Variants in ETFA observed in about 807,000 individuals in gnomAD.
ETFA encodes the protein electron transfer flavoprotein subunit alpha.
In ETFA, 22 loss-of-function variants were observed where a neutral mutation model predicts 46.2. That is an observed-to-expected ratio of 0.48 (90% CI 0.34 to 0.68). ETFA has a LOEUF of 0.68. ETFA is among the 30% of genes least tolerant of loss of function. The pLI, the probability that ETFA is intolerant of heterozygous loss-of-function variation, is 0.01. For missense variants in ETFA, 345 were observed against 401.1 expected (o/e 0.86, Z 1.19); for synonymous variants, 131 against 139.9 (o/e 0.94, Z 0.45).
At chr15:76,217,177 C>T (rs529623552) in intron 11 of ETFA, among the ~76,000 whole-genome samples, 1 of 152,250 alleles carries the variant, frequency 6.6e-6, no homozygotes, top group South Asian at 2.1e-4. Flanking sequence ...AAACAGGAAG[C>T]CCAATTTTTC....
rs139282437 is a variant in ETFA, at chr15:76,267,763, G to A, written c.816+6649C>T. ...TTTATAAAAAGATCAACCCACGACT[G>A]CAGCTGAACAACTGACAGGACAAAA... On this transcript the variant is annotated intron_variant, in intron 9 of 11. Transcript: ENST00000557943. Among the ~76,000 whole-genome samples the A allele has an allele frequency of 4.9e-4, 74 of 152,336 alleles. No homozygotes were observed. In the East Asian group the frequency reaches 0.013, roughly 28 times the overall value.
intron 9 of ETFA, chr15:76,260,759 C>A: frequency 1.2e-6 from 2 of 1,604,286 alleles, no homozygotes; most frequent in Non-Finnish European, 1.7e-6. Flanking sequence ...GACCCTTGGT[C>A]TGAAAGGGCA....
chr15:76,293,659 CT>C (rs1467100597), intron 2 of ETFA, among the ~76,000 whole-genome samples: 1 of 152,204 alleles, frequency 6.6e-6, no homozygotes, highest in Admixed American at 6.5e-5. Flanking sequence ...CTTCTGTCTC[CT>C]TGTTTACCTC....
intron 2 of ETFA, 116 bp downstream of exon 2, chr15:76,295,475 A>T: frequency 1.2e-6 from 1 of 866,960 alleles, no homozygotes; most frequent in Non-Finnish European, 2.0e-6. Flanking sequence ...CTGACCATTT[A>T]ATGAGGATTA....
intron 10 of ETFA, among the ~76,000 whole-genome samples, chr15:76,227,343 C>T (rs1217245438): frequency 6.6e-6 from 1 of 151,706 alleles, no homozygotes; most frequent in Non-Finnish European, 1.5e-5. Flanking sequence ...ATGGTGAAAC[C>T]CCACCTCTAC....
intron 1 of ETFA, among the ~76,000 whole-genome samples, chr15:76,309,700 C>T (rs537690576): frequency 1.3e-3 from 201 of 152,272 alleles, no homozygotes; most frequent in Middle Eastern, 3.4e-3. Flanking sequence ...TTAGGCCAGA[C>T]TTGTAATCTG....
At chr15:76,307,653 A>ATT (rs59145569) in intron 1 of ETFA, among the ~76,000 whole-genome samples, 5 of 148,944 alleles carry the variant, frequency 3.4e-5, no homozygotes, top group Middle Eastern at 3.4e-3. Flanking sequence ...CGCCTGGCTA[A>ATT]TTTTTTTTTT....
At chr15:76,291,663 T>C (rs977521942) in intron 4 of ETFA, among the ~76,000 whole-genome samples, 43 of 151,508 alleles carry the variant, frequency 2.8e-4, no homozygotes, top group Non-Finnish European at 5.3e-4. Context: ...GGCAGGAGAA[T>C]GGCGTGAACC....
chr15:76,275,577 C>T (rs1316805249), intron 8 of ETFA, among the ~76,000 whole-genome samples: 1 of 152,138 alleles, frequency 6.6e-6, no homozygotes, highest in Non-Finnish European at 1.5e-5. Flanking sequence ...TTAATTGGTG[C>T]ATTTACACTA....
intron 1 of ETFA, among the ~76,000 whole-genome samples, chr15:76,302,199 A>G (rs1331788596): frequency 2.0e-5 from 3 of 152,232 alleles, no homozygotes; most frequent in Non-Finnish European, 4.4e-5. Context: ...TACCCAAATG[A>G]GTTGAAAACT....
chr15:76,292,535 TA>T, intron 3 of ETFA, 22 bp from the exon 4 acceptor site: 2 of 1,604,244 alleles, frequency 1.2e-6, no homozygotes, highest in Non-Finnish European at 1.7e-6. Context: ...ACACATTTGA[TA>T]AAAAAATATT....
intron 9 of ETFA, chr15:76,260,700 G>C: frequency 6.2e-7 from 1 of 1,604,296 alleles, no homozygotes; most frequent in Non-Finnish European, 8.5e-7. Context: ...GATGAGGCCT[G>C]AATCTGTGTG....
intron 4 of ETFA, among the ~76,000 whole-genome samples, chr15:76,290,729 G>A (rs2039752499): frequency 6.6e-6 from 1 of 152,050 alleles, no homozygotes; most frequent in Non-Finnish European, 1.5e-5. Flanking sequence ...AGCTGTACAT[G>A]TACTGTAATT....
chr15:76,260,290 G>T, intron 9 of ETFA: 1 of 1,181,604 alleles, frequency 8.5e-7, no homozygotes, highest in Non-Finnish European at 1.3e-6. Context: ...TGAATGGCTG[G>T]CTCTCCCCGG....
intron 9 of ETFA, chr15:76,261,121 G>A (rs1315065811): frequency 1.3e-6 from 2 of 1,510,090 alleles, no homozygotes; most frequent in African/African-American, 2.8e-5. Context: ...GGTGCTCTGG[G>A]TCACCCCTGT....
At chr15:76,224,261 T>C (rs1040111217) in intron 11 of ETFA, among the ~76,000 whole-genome samples, 5 of 152,166 alleles carry the variant, frequency 3.3e-5, no homozygotes, top group Non-Finnish European at 5.9e-5. Flanking sequence ...GGCATTACTG[T>C]TTGTTCTTAC....
intron 11 of ETFA, among the ~76,000 whole-genome samples, chr15:76,219,228 G>C (rs1019960441): frequency 1.3e-5 from 2 of 152,196 alleles, no homozygotes; most frequent in Non-Finnish European, 2.9e-5. Flanking sequence ...GAACAGAATA[G>C]TCTCTTTGAA....
At position 76,285,634 on chromosome 15, in the gene ETFA, T is replaced by TA. The variant is rs754443484; in HGVS notation, c.664+2dup. ...CATCTTTTAAGATTAATATTTCACTTACCACCAGATACCACCACTTTGGCA... is the reference window on the plus strand; with the variant it reads ...CATCTTTTAAGATTAATATTTCACTTAACCACCAGATACCACCACTTTGGCA... On this transcript the variant is annotated splice_region_variant and intron_variant, in intron 7 of 11. Transcript: ENST00000557943. The TA allele has an allele frequency of 2.0e-6, 3 of 1,512,834 alleles. No homozygotes were observed. Among genetic ancestry groups the TA allele is most frequent in the Non-Finnish European group, 2.8e-6 (3 of 1,088,010 alleles). 93.7% of individuals were successfully genotyped at this position (1,512,834 alleles called of 1,614,324 possible). A position where few individuals can be genotyped will look rare whatever the true frequency, so the allele number is the denominator to read the frequency against.
chr15:76,296,068 C>T (rs2039819857), intron 1 of ETFA, among the ~76,000 whole-genome samples: 1 of 150,500 alleles, frequency 6.6e-6, no homozygotes, highest in South Asian at 2.1e-4. Context: ...GCCTCCGCCT[C>T]CTGAGTAGCT....
Sources: gnomAD v4.1 joint callset for allele counts (sites outside exome capture counted in the v4.1 genomes callset) on GRCh38, gnomAD v4.1.1 for gene constraint, MANE v1.5 for transcripts, NCBI Gene and HGNC (gene_info 2026-07-23, HGNC 2026-07-21) for gene names.